The following FREM1 variants were observed in gnomAD, a reference collection of about 807,000 sequenced individuals.
FREM1 encodes the protein FRAS1 related extracellular matrix 1, also known as FRAS1-related extracellular matrix protein 1.
In FREM1, 220 loss-of-function variants were observed where a neutral mutation model predicts 210.1. That is an observed-to-expected ratio of 1.05 (90% CI 0.94 to 1.17). The LOEUF (loss-of-function observed/expected upper bound fraction) is 1.17, where lower values mean the gene tolerates loss of function less well. FREM1 is among the 50% of genes most tolerant of loss of function. The pLI is 0.00. For synonymous variants in FREM1, 1,189 were observed against 980.2 expected (o/e 1.21, Z -3.98); for missense variants, 3,454 against 2,675.5 (o/e 1.29, Z -6.42).
chr9:14,778,769 G>A (rs1435251700), intron 24 of FREM1, among the ~76,000 whole-genome samples: 2 of 148,688 alleles, frequency 1.3e-5, no homozygotes, highest in African/African-American at 2.5e-5. Flanking sequence ...GAAGTCAGGC[G>A]CGGTAGCTCA....
intron 27 of FREM1, among the ~76,000 whole-genome samples, chr9:14,762,735 C>T (rs1314602185): frequency 7.0e-6 from 1 of 143,096 alleles, no homozygotes; most frequent in African/African-American, 2.6e-5. Flanking sequence ...AGAATATGTA[C>T]AATATATGTT....
intron 13 of FREM1, among the ~76,000 whole-genome samples, chr9:14,821,371 C>T (rs944596428): frequency 1.3e-5 from 2 of 152,112 alleles, no homozygotes; most frequent in Non-Finnish European, 2.9e-5. Flanking sequence ...TTTTCCTTTA[C>T]ACTTTTTAGT....
chr9:14,798,245 T>A (rs10115764), intron 20 of FREM1, among the ~76,000 whole-genome samples: 2 of 152,266 alleles, frequency 1.3e-5, no homozygotes, highest in South Asian at 2.1e-4. Flanking sequence ...ATCAAGAAAC[T>A]GAAAACTATC....
At position 14,815,718 on chromosome 9, in the gene FREM1, G is replaced by A. The variant is rs533083583; in HGVS notation, c.2640+1060C>T. On this transcript the variant is annotated intron_variant, in intron 15 of 36. Transcript: ENST00000380880. ...GCTGGAGTGCAGTGGCATGATCTCG[G>A]CTCACTGCAACCTCTGTCTCCCAGG... is the stretch of plus-strand genomic sequence containing the variant. Among the ~76,000 whole-genome samples, 16 of 152,208 alleles carry A rather than the reference G, an allele frequency of 1.1e-4. No homozygotes were observed. In the South Asian group the frequency reaches 3.1e-3, roughly 30 times the overall value.
chr9:14,814,950 C>T (rs900356078), intron 15 of FREM1, among the ~76,000 whole-genome samples: 2 of 152,158 alleles, frequency 1.3e-5, no homozygotes, highest in African/African-American at 4.8e-5. Flanking sequence ...TTTTTCCCCA[C>T]AAATTTGCTT....
At chr9:14,873,396 C>G (rs7855384) in intron 1 of FREM1, among the ~76,000 whole-genome samples, 5,158 of 151,982 alleles carry the variant, frequency 0.034, 288 homozygotes, top group African/African-American at 0.11. Flanking sequence ...GTTTAGTCTT[C>G]GGAGGGTGTA....
chr9:14,851,656 T>C, intron 5 of FREM1, 49 bp from the exon 6 acceptor site: 3 of 1,273,414 alleles, frequency 2.4e-6, no homozygotes, highest in Non-Finnish European at 3.4e-6. Flanking sequence ...ATGAATGAGG[T>C]GATATCATAC....
intron 19 of FREM1, among the ~76,000 whole-genome samples, chr9:14,802,821 T>C (rs999003568): frequency 2.0e-5 from 3 of 152,164 alleles, no homozygotes; most frequent in Non-Finnish European, 4.4e-5. Flanking sequence ...CAAAGGTCCA[T>C]CAATAACTAT....
intron 5 of FREM1, among the ~76,000 whole-genome samples, chr9:14,854,587 T>C (rs1454150772): frequency 6.6e-6 from 1 of 151,920 alleles, no homozygotes; most frequent in African/African-American, 2.4e-5. Flanking sequence ...CAGTGGGGAA[T>C]AGAGCAAAAA....
At chr9:14,810,919 T>A (rs1054454770) in intron 16 of FREM1, among the ~76,000 whole-genome samples, 2 of 152,166 alleles carry the variant, frequency 1.3e-5, no homozygotes, top group African/African-American at 4.8e-5. Flanking sequence ...CTGCAATGAG[T>A]GTGTATTATT....
At chr9:14,880,134 T>G (rs1834528851) in intron 1 of FREM1, among the ~76,000 whole-genome samples, 1 of 152,160 alleles carries the variant, frequency 6.6e-6, no homozygotes, top group South Asian at 2.1e-4. Flanking sequence ...AACAAGAGGG[T>G]TTCCCTCTGC....
chr9:14,857,870 C>A, intron 4 of FREM1, 121 bp from the exon 5 acceptor site: 1 of 595,332 alleles, frequency 1.7e-6, no homozygotes, highest in Admixed American at 3.3e-5. Flanking sequence ...CACTCATGTA[C>A]CTTCCAATCA....
intron 6 of FREM1, among the ~76,000 whole-genome samples, 183 bp from the exon 7 acceptor site, chr9:14,848,956 A>G (rs911744983): frequency 2.0e-5 from 3 of 152,098 alleles, no homozygotes; most frequent in Non-Finnish European, 2.9e-5. Context: ...CTTGTTCCTT[A>G]CTTTAACGGT....
Position 14,824,778 on chromosome 9 carries a change from T to C in FREM1, c.2078+18A>G, listed in dbSNP as rs755210369. The C allele has an allele frequency of 3.8e-5, 60 of 1,586,338 alleles. No homozygotes were observed. The highest frequency in any genetic ancestry group is 5.2e-5 in the Admixed American group (3 of 58,054). On this transcript the variant is annotated intron_variant, in intron 11 of 36. Transcript: ENST00000380880. ...GCAATCCTAGAACTAGTAGCCCAAA[T>C]GGTGACTTTTCAGATACCTGTGGCT... is the stretch of plus-strand genomic sequence containing the variant.
intron 10 of FREM1, among the ~76,000 whole-genome samples, chr9:14,825,995 C>A (rs977994102): frequency 6.6e-6 from 1 of 151,802 alleles, no homozygotes; most frequent in Non-Finnish European, 1.5e-5. Flanking sequence ...TTTACCCCTT[C>A]AAAAATCTTA....
At position 14,812,920 on chromosome 9, in the gene FREM1, C is replaced by A. The variant is rs755700934; in HGVS notation, c.2785G>T (p.Val929Leu). The change falls in exon 16 of 37, where the codon GTG becomes TTG. Residue 929 changes from valine to leucine, a missense_variant. Physicochemically the swap from Val to Leu is conservative, Grantham distance 32 (BLOSUM62 1). Transcript: ENST00000380880. ...CCATGCTGAGGTTCGCGAGCAATCACAAACATCAACTTCAAGTTATCGCTG... is the reference window on the plus strand; with the variant it reads ...CCATGCTGAGGTTCGCGAGCAATCAAAAACATCAACTTCAAGTTATCGCTG... ...VDSDNLKLMFVIAREPQHGVV... is the reference protein window; with the variant it reads ...VDSDNLKLMFLIAREPQHGVV... The A allele has an allele frequency of 9.9e-6, 16 of 1,613,932 alleles. No individual in the cohort carries two copies. In the East Asian group the frequency reaches 3.3e-4, roughly 34 times the overall value.
At position 14,836,469 on chromosome 9, in the gene FREM1, G is replaced by T. The variant is rs1824631519; in HGVS notation, c.1881+4978C>A. ...TAGTAAAGGAAAGGAAAATCTACAG[G>T]TACTTAAAAATCAAATCAAAATTAT... On this transcript the variant is annotated intron_variant, in intron 10 of 36. Transcript: ENST00000380880. This position sits in a 1 kb window ranked among gnomAD's most constrained non-coding sequence, Gnocchi z 4.9. Among the ~76,000 whole-genome samples the T allele has an allele frequency of 1.3e-5, 2 of 152,138 alleles. No homozygotes were observed.
chr9:14,769,071 G>A (rs1847032621), intron 27 of FREM1, among the ~76,000 whole-genome samples: 1 of 152,150 alleles, frequency 6.6e-6, no homozygotes, highest in South Asian at 2.1e-4. Context: ...TTCAAGAAAA[G>A]TCTAGAGTAG....
rs1850085467 is a variant in FREM1 at position 14,784,382 on chromosome 9, C to T, written c.4430G>A (p.Ser1477Asn). The T allele has an allele frequency of 1.2e-6, 2 of 1,613,400 alleles. No individual in the cohort carries two copies. The highest frequency in any genetic ancestry group is 1.7e-5 in the Admixed American group (1 of 59,990). Reference protein sequence around the residue: ...YVHKSKVTVSSDRFRFIISNG... With the variant: ...YVHKSKVTVSNDRFRFIISNG... ...CCATGGGGCTCACCTGAATCTGTCACTGGAGACAGTCACCTTGCTCTTGTG... is the reference window on the plus strand; with the variant it reads ...CCATGGGGCTCACCTGAATCTGTCATTGGAGACAGTCACCTTGCTCTTGTG... The change falls in exon 24 of 37, where the codon AGT becomes AAT. Residue 1477 changes from serine (S) to asparagine (N), a missense_variant. Transcript: ENST00000380880.
Sources: allele counts gnomAD v4.1 joint callset (sites outside exome capture counted in the v4.1 genomes callset), GRCh38; gene constraint gnomAD v4.1.1; non-coding constraint Gnocchi (gnomAD v3.1); transcripts MANE v1.5; gene names NCBI Gene and HGNC (gene_info 2026-07-23, HGNC 2026-07-21).